The following SPIC variants were observed in gnomAD, a reference collection of about 807,000 sequenced individuals.
The protein encoded by SPIC is transcription factor Spi-C.
SPIC carries 9 observed loss-of-function variants against 16.7 expected under a neutral mutation model. The ratio of observed to expected loss-of-function variants is 0.54; its 90% CI spans 0.33 to 0.94. The LOEUF is 0.94. Among genes scored for constraint, SPIC ranks in the 40% least tolerant of loss-of-function variants. The probability of loss-of-function intolerance (pLI) is 0.03; values close to 1 mark genes in which losing one functional copy is unlikely to be tolerated. For missense variants in SPIC, 241 were observed against 285.8 expected (o/e 0.84, Z 1.13); for synonymous variants, 97 against 102.9 (o/e 0.94, Z 0.35).
In SPIC at chr12:101,486,825, A is replaced by G; in HGVS notation, c.*54A>G. ...GCATCGGAAATCTCTACAAGTTTTAATGATTTCTCCCTCCCTCTCTTTTTT... is the reference window on the plus strand; with the variant it reads ...GCATCGGAAATCTCTACAAGTTTTAGTGATTTCTCCCTCCCTCTCTTTTTT... On this transcript the variant is annotated 3_prime_UTR_variant, in exon 6 of 6. Coordinates refer to ENST00000551346, the MANE Select transcript of SPIC (RefSeq NM_152323.3). The G allele has an allele frequency of 2.2e-6, 3 of 1,392,824 alleles. No individual in the cohort carries two copies. Among genetic ancestry groups the G allele is most frequent in the South Asian group, 3.2e-5 (2 of 63,166 alleles). The allele number at this position is 1,392,824 out of a possible 1,614,324, so 86.3% of individuals were successfully genotyped here.
intron 2 of SPIC, 61 bp from the exon 3 acceptor site, chr12:101,477,497 C>A: frequency 6.9e-7 from 1 of 1,445,028 alleles, no homozygotes; most frequent in South Asian, 1.2e-5. Flanking sequence ...TATTTTAAAT[C>A]AGGGAGATTA....
chr12:101,485,161 A>G (rs895903207), intron 5 of SPIC, among the ~76,000 whole-genome samples: 1 of 152,228 alleles, frequency 6.6e-6, no homozygotes, highest in Non-Finnish European at 1.5e-5. Flanking sequence ...AGACTGTTTA[A>G]AGCAGTTTGG....
intron 5 of SPIC, among the ~76,000 whole-genome samples, 186 bp downstream of exon 5, chr12:101,483,086 G>GTGT (rs1555209358): frequency 3.9e-5 from 5 of 129,096 alleles, no homozygotes; most frequent in Admixed American, 2.4e-4. Flanking sequence ...GACTTCCTGT[G>GTGT]TTTTTTTTTT....
At chr12:101,476,568 TTTCTC>T (rs1424615100) in intron 1 of SPIC, among the ~76,000 whole-genome samples, 1 of 152,124 alleles carries the variant, frequency 6.6e-6, no homozygotes, top group Non-Finnish European at 1.5e-5. Context: ...TTATTTCCAC[TTTCTC>T]TTATCAATCA....
At chr12:101,484,145 T>C (rs1015786524) in intron 5 of SPIC, among the ~76,000 whole-genome samples, 1 of 151,936 alleles carries the variant, frequency 6.6e-6, no homozygotes, top group African/African-American at 2.4e-5. Context: ...TCTAGAAAGC[T>C]TTTTTTAAAA....
chr12:101,486,238 A>G, intron 5 of SPIC, 106 bp from the exon 6 acceptor site: 4 of 1,100,898 alleles, frequency 3.6e-6, no homozygotes, highest in Non-Finnish European at 5.3e-6. Context: ...GAGAAAAACC[A>G]GTCTCGATGC....
intron 4 of SPIC, among the ~76,000 whole-genome samples, chr12:101,480,528 T>A (rs531132416): frequency 9.2e-5 from 14 of 152,380 alleles, no homozygotes; most frequent in Non-Finnish European, 1.5e-4. Context: ...AGTTGTCTTC[T>A]TCATGCATCC....
chr12:101,476,212 C>CAA lies in SPIC; in HGVS notation c.-77-615_-77-614insAA, dbSNP rs1872953339. ...GGTCTATAGAACGTAGAGTTAAAAG[C>CAA]ATTTAATTGTGGGTCGGTGTGATAA... On this transcript the variant is annotated intron_variant, in intron 1 of 5. Coordinates refer to ENST00000551346, the MANE Select transcript of SPIC (RefSeq NM_152323.3). Among the ~76,000 whole-genome samples, 3 of 152,196 alleles carry CAA rather than the reference C, an allele frequency of 2.0e-5. No homozygotes were observed. In the South Asian group the frequency reaches 6.2e-4, roughly 32 times the overall value.
rs1384787543 is a variant in SPIC, at chr12:101,477,591, T to C, written c.37T>C (p.Phe13Leu). ...CVEQDKLGQA[F>L]EDAFEVLRQH... ...TGAACAAGACAAGCTGGGTCAAGCA[T>C]TTGAAGATGCTTTTGAGGTTCTGAG... The change falls in exon 3 of 6, where the codon TTT (phenylalanine) becomes CTT (leucine). Residue 13 changes from phenylalanine (F) to leucine (L), a missense_variant. Phe to Leu is a conservative substitution (Grantham distance 22, BLOSUM62 0). Coordinates refer to ENST00000551346, the MANE Select transcript of SPIC (RefSeq NM_152323.3). 2 of 1,614,062 alleles carry C rather than the reference T, an allele frequency of 1.2e-6. No homozygotes were observed. Among genetic ancestry groups the C allele is most frequent in the East Asian group, 2.2e-5 (1 of 44,886 alleles).
chr12:101,483,641 G>C (rs955378722), intron 5 of SPIC, among the ~76,000 whole-genome samples: 1 of 151,774 alleles, frequency 6.6e-6, no homozygotes, highest in Non-Finnish European at 1.5e-5. Flanking sequence ...TTGTTGCCCA[G>C]GTTAGGATGC....
At chr12:101,485,459 C>T (rs937399876) in intron 5 of SPIC, among the ~76,000 whole-genome samples, 5 of 152,148 alleles carry the variant, frequency 3.3e-5, no homozygotes, top group African/African-American at 1.2e-4. Flanking sequence ...TATCACAGTG[C>T]CCATTGCATT....
At chr12:101,477,700 T>C in intron 3 of SPIC, 49 bp downstream of exon 3, 1 of 1,464,834 alleles carries the variant, frequency 6.8e-7, no homozygotes, top group Non-Finnish European at 9.6e-7. Flanking sequence ...AAATGGCTTG[T>C]TGGTCACATA....
chr12:101,479,284 A>AAG (rs1555209026), intron 3 of SPIC, among the ~76,000 whole-genome samples: 910 of 61,668 alleles, frequency 0.015, 57 homozygotes, highest in African/African-American at 0.04. Flanking sequence ...GAAAGAAAGA[A>AAG]AAAGAAAGAA....
intron 3 of SPIC, among the ~76,000 whole-genome samples, chr12:101,479,220 G>GAAAGAAAGA (rs869262567): frequency 1.2e-5 from 1 of 84,764 alleles, no homozygotes; most frequent in African/African-American, 4.4e-5. Context: ...AAGAAAGAAA[G>GAAAGAAAGA]AAGGAAAGAA....
intron 1 of SPIC, 33 bp from the exon 2 acceptor site, chr12:101,476,795 T>C: frequency 1.6e-6 from 1 of 622,448 alleles, no homozygotes; most frequent in East Asian, 3.2e-5. Flanking sequence ...AGACTGCATT[T>C]AATTTTGCTT....
At chr12:101,484,201 A>G (rs1231196885) in intron 5 of SPIC, among the ~76,000 whole-genome samples, 2 of 150,880 alleles carry the variant, frequency 1.3e-5, no homozygotes, top group African/African-American at 2.4e-5. Flanking sequence ...GAAATTACAC[A>G]TGGGATTGTA....
chr12:101,485,736 C>T (rs988801235), intron 5 of SPIC, among the ~76,000 whole-genome samples: 1 of 152,186 alleles, frequency 6.6e-6, no homozygotes. Flanking sequence ...CTCTTCGAAA[C>T]TGCTAAACTT....
At chr12:101,479,818 CTTTT>C (rs35835395) in intron 4 of SPIC, 124 bp downstream of exon 4, 252 of 362,846 alleles carry the variant, frequency 6.9e-4, no homozygotes, top group East Asian at 1.2e-3. Context: ...TTTTTTCTTT[CTTTT>C]TTTTTTTTTT....
rs1873143618 is a variant in SPIC at position 101,480,182 on chromosome 12, CT to C, written c.210+489del. Reference sequence around the variant, plus strand: ...GACAGTCAACATGGATGATCACATGCTGTTAGGAAGGAAATAACCCTTCATC... The same window carrying C: ...GACAGTCAACATGGATGATCACATGCGTTAGGAAGGAAATAACCCTTCATC... On this transcript the variant is annotated intron_variant, in intron 4 of 5. Coordinates refer to ENST00000551346, the MANE Select transcript of SPIC (RefSeq NM_152323.3). Among the ~76,000 whole-genome samples, 3 of 152,182 alleles carry C rather than the reference CT, an allele frequency of 2.0e-5. No individual in the cohort carries two copies. In the South Asian group the frequency reaches 6.2e-4, roughly 32 times the overall value.
Sources: gnomAD v4.1 joint callset for allele counts (sites outside exome capture counted in the v4.1 genomes callset) on GRCh38, gnomAD v4.1.1 for gene constraint, MANE v1.5 for transcripts, NCBI Gene and HGNC (gene_info 2026-07-23, HGNC 2026-07-21) for gene names.